GABRG3: variants seen among roughly 807,000 people sequenced by gnomAD.
GABRG3 encodes the protein gamma-aminobutyric acid receptor subunit gamma-3.
In GABRG3, 25 loss-of-function variants were observed where a neutral mutation model predicts 48.8. That is an observed-to-expected ratio of 0.51 (90% CI 0.37 to 0.72). GABRG3 has a LOEUF of 0.72. Among genes scored for constraint, GABRG3 ranks in the 30% least tolerant of loss-of-function variants. GABRG3 has a pLI of 0.00. For missense variants in GABRG3, 394 were observed against 577.9 expected (o/e 0.68, Z 3.26); for synonymous variants, 227 against 217.6 (o/e 1.04, Z -0.38).
chr15:27,117,543 G>A (rs530862304), intron 3 of GABRG3, among the ~76,000 whole-genome samples: 11 of 152,118 alleles, frequency 7.2e-5, no homozygotes, highest in Non-Finnish European at 1.2e-4. Context: ...AATAAAATAT[G>A]TTTTCATATG....
intron 3 of GABRG3, among the ~76,000 whole-genome samples, chr15:27,229,398 C>T (rs866949990): frequency 3.3e-5 from 5 of 151,908 alleles, no homozygotes; most frequent in South Asian, 4.2e-4. Context: ...GATGTGCAGC[C>T]AGCCTTATTT....
chr15:27,484,379 G>A (rs1162140622), intron 6 of GABRG3, among the ~76,000 whole-genome samples: 1 of 152,098 alleles, frequency 6.6e-6, no homozygotes, highest in African/African-American at 2.4e-5. Flanking sequence ...GCGAATTCAA[G>A]GAAGTGTACC....
At chr15:27,293,774 G>C (rs1566760169) in intron 3 of GABRG3, among the ~76,000 whole-genome samples, 1 of 151,968 alleles carries the variant, frequency 6.6e-6, no homozygotes, top group Non-Finnish European at 1.5e-5. Flanking sequence ...AATGTTAAGA[G>C]GTATTCATTT....
intron 5 of GABRG3, among the ~76,000 whole-genome samples, chr15:27,473,400 T>C (rs1357114379): frequency 6.6e-6 from 1 of 152,170 alleles, no homozygotes; most frequent in African/African-American, 2.4e-5. Flanking sequence ...CAGGGGAAAG[T>C]GCTATGTAAT....
Position 27,004,488 on chromosome 15 carries a change from C to T in GABRG3, c.203-22266C>T, listed in dbSNP as rs959054401. ...ACTGGGCAGCCAGGCAGAGGGGCTC[C>T]TCACATCCCAGACGATGGGCGGTCA... On this transcript the variant is annotated intron_variant, in intron 2 of 9. Coordinates refer to ENST00000615808, the MANE Select transcript of GABRG3 (RefSeq NM_033223.5). 1.3e-4 allele frequency among the ~76,000 whole-genome samples: 20 copies of T among 151,562 alleles called. 1 individual carries two copies. Among genetic ancestry groups the T allele is most frequent in the African/African-American group, 4.9e-4 (20 of 41,224 alleles).
At chr15:27,052,202 AC>A (rs1896467600) in intron 3 of GABRG3, among the ~76,000 whole-genome samples, 1 of 151,978 alleles carries the variant, frequency 6.6e-6, no homozygotes, top group South Asian at 2.1e-4. Context: ...TCTCTGTCCC[AC>A]CCCCATGAAA....
intron 3 of GABRG3, among the ~76,000 whole-genome samples, chr15:27,288,606 C>A (rs1005192307): frequency 4.6e-5 from 7 of 151,644 alleles, no homozygotes; most frequent in African/African-American, 1.2e-4. Context: ...GTTGTAATCC[C>A]AGAAGCTGAG....
At chr15:27,187,453 G>A (rs1888134161) in intron 3 of GABRG3, among the ~76,000 whole-genome samples, 1 of 152,092 alleles carries the variant, frequency 6.6e-6, no homozygotes, top group South Asian at 2.1e-4. Context: ...AAATGGCATT[G>A]GTAGTTTGAT....
At chr15:27,379,840 A>G (rs560389263) in intron 5 of GABRG3, among the ~76,000 whole-genome samples, 1 of 152,268 alleles carries the variant, frequency 6.6e-6, no homozygotes, top group African/African-American at 2.4e-5. Flanking sequence ...GGCTTCTTTC[A>G]AGCTATTCTT....
intron 3 of GABRG3, among the ~76,000 whole-genome samples, chr15:27,302,423 A>C (rs1223336579): frequency 1.3e-5 from 2 of 152,042 alleles, no homozygotes; most frequent in South Asian, 2.1e-4. Context: ...AAATAGGATA[A>C]ATTTACCAAG....
intron 3 of GABRG3, among the ~76,000 whole-genome samples, chr15:27,321,084 T>C (rs1242016187): frequency 6.6e-6 from 1 of 152,136 alleles, no homozygotes; most frequent in African/African-American, 2.4e-5. Context: ...GCTGCACCCC[T>C]CACCTTTCCA....
chr15:27,137,318 C>T (rs993464700), intron 3 of GABRG3, among the ~76,000 whole-genome samples: 1 of 152,206 alleles, frequency 6.6e-6, no homozygotes, highest in African/African-American at 2.4e-5. Context: ...TACACATGGC[C>T]TAGCACGTGG....
chr15:27,126,551 G>A (rs1897824489), intron 3 of GABRG3, among the ~76,000 whole-genome samples: 1 of 152,186 alleles, frequency 6.6e-6, no homozygotes, highest in Non-Finnish European at 1.5e-5. Context: ...GGAGGCCATG[G>A]GTTTTCCATG....
intron 5 of GABRG3, among the ~76,000 whole-genome samples, chr15:27,423,544 T>G (rs530687991): frequency 6.6e-6 from 1 of 150,720 alleles, no homozygotes; most frequent in African/African-American, 2.4e-5. Context: ...TTTTTTGGTT[T>G]TTTTTTTTTT....
At chr15:27,302,382 A>G (rs932816630) in intron 3 of GABRG3, among the ~76,000 whole-genome samples, 4 of 152,040 alleles carry the variant, frequency 2.6e-5, no homozygotes, top group Admixed American at 2.6e-4. Flanking sequence ...AGCATAGAAA[A>G]TTACCAGGGA....
At chr15:27,023,632 A>G (rs1161632399) in intron 2 of GABRG3, among the ~76,000 whole-genome samples, 2 of 152,246 alleles carry the variant, frequency 1.3e-5, no homozygotes, top group Non-Finnish European at 2.9e-5. Flanking sequence ...TGTGGCACGT[A>G]TCACGATATC....
chr15:27,495,135 C>G (rs1037427281), intron 6 of GABRG3, among the ~76,000 whole-genome samples: 4 of 152,172 alleles, frequency 2.6e-5, no homozygotes, highest in Admixed American at 6.5e-5. Flanking sequence ...CCTCCTCCCC[C>G]CAACCCATGG....
intron 3 of GABRG3, among the ~76,000 whole-genome samples, chr15:27,264,502 C>A (rs1436600817): frequency 6.6e-6 from 1 of 151,964 alleles, no homozygotes; most frequent in Non-Finnish European, 1.5e-5. Flanking sequence ...TTTCTTTTCT[C>A]TTAAAACAAA....
At chr15:27,355,573 A>G (rs1894808143) in intron 5 of GABRG3, among the ~76,000 whole-genome samples, 3 of 152,280 alleles carry the variant, frequency 2.0e-5, no homozygotes, top group Admixed American at 2.0e-4. Context: ...TTCCTCAAAC[A>G]GTAAAGCATA....
Sources: allele counts gnomAD v4.1 joint callset (sites outside exome capture counted in the v4.1 genomes callset), GRCh38; gene constraint gnomAD v4.1.1; transcripts MANE v1.5; gene names NCBI Gene and HGNC (gene_info 2026-07-23, HGNC 2026-07-21).